Variants in DOCK7 observed in about 807,000 individuals in gnomAD.
DOCK7 encodes dedicator of cytokinesis 7, also known as dedicator of cytokinesis protein 7.
A neutral mutation model predicts 271.0 loss-of-function variants in DOCK7; 138 were observed. That is an observed-to-expected ratio of 0.51 (90% CI 0.44 to 0.59). The LOEUF (loss-of-function observed/expected upper bound fraction) is 0.59, where lower values mean the gene tolerates loss of function less well. Ranked by LOEUF, DOCK7 falls within the 20% of genes least tolerant of loss-of-function variation. The probability of loss-of-function intolerance (pLI) is 0.00; values close to 1 mark genes in which losing one functional copy is unlikely to be tolerated. For missense variants in DOCK7, 2,066 were observed against 2,592.4 expected, an observed-to-expected ratio of 0.80 and a Z score of 4.41; for synonymous variants, 823 against 876.1, an observed-to-expected ratio of 0.94 and a Z score of 1.07.
Position 62,638,418 on chromosome 1 carries a change from A to G in DOCK7, c.819-1815T>C, listed in dbSNP as rs190237631. The G allele has an allele frequency of 2.2e-3, 327 of 151,766 alleles. 2 individuals carry two copies. The highest frequency in any genetic ancestry group is 7.1e-3 in the African/African-American group (295 of 41,468). 9.4% of individuals were successfully genotyped at this position (151,766 alleles called of 1,614,324 possible). ...AAGATATCCCTACATTATCTTCTGG[A>G]AACTTTACCATTTTGTCCTTCACAT... On this transcript the variant is annotated intron_variant, in intron 7 of 49. Coordinates refer to ENST00000635253, the MANE Select transcript of DOCK7 (RefSeq NM_001367561.1).
chr1:62,561,981 C>CATATATGTACATATATGTACAT (rs1215975910), intron 18 of DOCK7, among the ~76,000 whole-genome samples: 1,874 of 151,026 alleles, frequency 0.012, 54 homozygotes, highest in African/African-American at 0.041. Context: ...TCTAAACCTT[C>CATATATGTACATATATGTACAT]ATATATGTAC....
At chr1:62,523,154 T>C (rs929842719) in intron 31 of DOCK7, among the ~76,000 whole-genome samples, 1 of 152,138 alleles carries the variant, frequency 6.6e-6, no homozygotes, top group Non-Finnish European at 1.5e-5. Context: ...GGTTTATTGG[T>C]TTTTGTTTAT....
chr1:62,505,725 T>C lies in DOCK7; in HGVS notation c.4568A>G (p.Tyr1523Cys). The change falls in exon 36 of 50, where the codon TAT (tyrosine) becomes TGT (cysteine). Residue 1523 changes from tyrosine (Y) to cysteine (C), a missense_variant. Coordinates refer to ENST00000635253, the MANE Select transcript of DOCK7 (RefSeq NM_001367561.1). The stretch of plus-strand genomic sequence containing the variant: ...CTGTGTAGCAAAACAGTGTTGTAGA[T>C]AAACTGCACTTTGGTTACAGGCCAT... ...HSMACNQSAV[Y>C]LQHCFATQRA... is the part of the protein sequence containing the mutation. 6.2e-7 allele frequency: 1 copy of C among 1,613,684 alleles called. No homozygotes were observed. Among genetic ancestry groups the C allele is most frequent in the Non-Finnish European group, 8.5e-7 (1 of 1,179,770 alleles).
chr1:62,566,210 T>C (rs1646509615), intron 18 of DOCK7, among the ~76,000 whole-genome samples: 1 of 151,964 alleles, frequency 6.6e-6, no homozygotes, highest in African/African-American at 2.4e-5. Flanking sequence ...AAACTTCACA[T>C]GGAACCAAAA....
intron 4 of DOCK7, among the ~76,000 whole-genome samples, chr1:62,652,079 A>C (rs1289461358): frequency 6.6e-6 from 1 of 152,084 alleles, no homozygotes; most frequent in African/African-American, 2.4e-5. Context: ...ACTGATCCTA[A>C]ATAAATAAAT....
chr1:62,618,047 C>T (rs1357755426), intron 14 of DOCK7, among the ~76,000 whole-genome samples: 1 of 151,942 alleles, frequency 6.6e-6, no homozygotes, highest in Non-Finnish European at 1.5e-5. Flanking sequence ...GAATCTTATA[C>T]CTGAGCTGCC....
intron 15 of DOCK7, chr1:62,584,599 GCAGA>G (rs1647282635): frequency 4.0e-6 from 5 of 1,251,440 alleles, no homozygotes; most frequent in Non-Finnish European, 5.0e-6. Context: ...ATGACATAAA[GCAGA>G]CAGTGTTCCT....
chr1:62,494,894 C>G (rs1419613077), intron 39 of DOCK7: 1 of 153,976 alleles, frequency 6.5e-6, no homozygotes, highest in Non-Finnish European at 1.4e-5. Flanking sequence ...ACTGCAGGAA[C>G]AGAGGGTCAT....
At chr1:62,602,530 G>C in intron 14 of DOCK7, 1 of 682,898 alleles carries the variant, frequency 1.5e-6, no homozygotes. Context: ...TTACACATTT[G>C]TTAGTAAATT....
chr1:62,643,128 T>C (rs1656241605), intron 7 of DOCK7, among the ~76,000 whole-genome samples: 2 of 152,134 alleles, frequency 1.3e-5, no homozygotes, highest in African/African-American at 2.4e-5. Flanking sequence ...CTTTCCCAGT[T>C]GACATTAAGC....
chr1:62,654,692 A>G (rs1179921765), intron 2 of DOCK7, among the ~76,000 whole-genome samples: 1 of 152,220 alleles, frequency 6.6e-6, no homozygotes, highest in Non-Finnish European at 1.5e-5. Context: ...AAAATAAAAC[A>G]GTCTTTGCAG....
At chr1:62,587,125 C>T (rs1295737064) in intron 14 of DOCK7, among the ~76,000 whole-genome samples, 2 of 151,700 alleles carry the variant, frequency 1.3e-5, no homozygotes, top group African/African-American at 4.8e-5. Context: ...TTCAAAAACA[C>T]ATTACAATAT....
rs147127472 is a variant in DOCK7, at chr1:62,610,667, G to A, written c.1682+8039C>T. Among the ~76,000 whole-genome samples the A allele has an allele frequency of 6.1e-3, 927 of 152,098 alleles. 6 individuals carry two copies. Among genetic ancestry groups the A allele is most frequent in the African/African-American group, 0.021 (890 of 41,478 alleles). ...GTGATGTTCCTTTCCCTGTGTCCAT[G>A]TGTTCTCATTGTTTAGCTCCCACTT... is the stretch of plus-strand genomic sequence containing the variant. On this transcript the variant is annotated intron_variant, in intron 14 of 49. Transcript: ENST00000635253.
chr1:62,464,115 A>T (rs553100928), intron 48 of DOCK7, among the ~76,000 whole-genome samples: 14 of 152,148 alleles, frequency 9.2e-5, no homozygotes, highest in Non-Finnish European at 1.3e-4. Context: ...TCTGGAGCAC[A>T]GTGGTGCCAT....
intron 25 of DOCK7, 69 bp downstream of exon 25, chr1:62,542,539 C>G (rs1482981600): frequency 2.7e-6 from 4 of 1,455,088 alleles, no homozygotes; most frequent in Non-Finnish European, 3.8e-6. Context: ...TCTAAGGTAA[C>G]AAATGAGCTA....
At chr1:62,528,349 G>T in intron 30 of DOCK7, 44 bp from the exon 31 acceptor site, 1 of 1,531,466 alleles carries the variant, frequency 6.5e-7, no homozygotes, top group Non-Finnish European at 8.9e-7. Flanking sequence ...CTGTTTAGCT[G>T]AACTAATTCC....
intron 24 of DOCK7, 132 bp downstream of exon 24, chr1:62,543,524 T>C: frequency 1.7e-6 from 1 of 573,864 alleles, no homozygotes; most frequent in Non-Finnish European, 3.0e-6. Context: ...CAAGCAATGC[T>C]TGTTCAGATA....
intron 1 of DOCK7, among the ~76,000 whole-genome samples, chr1:62,674,310 C>T (rs1470264230): frequency 1.5e-5 from 2 of 130,230 alleles, no homozygotes; most frequent in Non-Finnish European, 3.5e-5. Flanking sequence ...AATAAATAGA[C>T]CCCCCCCACC....
intron 24 of DOCK7, among the ~76,000 whole-genome samples, 175 bp downstream of exon 24, chr1:62,543,481 A>T (rs1291642376): frequency 6.6e-6 from 1 of 152,216 alleles, no homozygotes; most frequent in African/African-American, 2.4e-5. Context: ...AAAAAAGTAT[A>T]CATTGACAAG....
Sources: allele counts gnomAD v4.1 joint callset (sites outside exome capture counted in the v4.1 genomes callset), GRCh38; gene constraint gnomAD v4.1.1; transcripts MANE v1.5; gene names NCBI Gene and HGNC (gene_info 2026-07-23, HGNC 2026-07-21).